MTUS1: variants seen among roughly 807,000 people sequenced by gnomAD.
The protein encoded by MTUS1 is microtubule associated scaffold protein 1, also known as microtubule-associated tumor suppressor 1.
In MTUS1, 109 loss-of-function variants were observed where a neutral mutation model predicts 120.8. That is an observed-to-expected ratio of 0.90 (90% CI 0.77 to 1.06). The LOEUF is 1.06. MTUS1 is among the 50% of genes least tolerant of loss of function. The pLI is 0.00. For synonymous variants in MTUS1, 737 were observed against 550.5 expected (o/e 1.34, Z -4.74); for missense variants, 2,210 against 1,486.3 (o/e 1.49, Z -8.01).
chr8:17,674,502 C>A, intron 8 of MTUS1: 1 of 985,212 alleles, frequency 1.0e-6, no homozygotes, highest in African/African-American at 1.7e-5. Context: ...ACCCTAAGGG[C>A]TTCCAGGAGA....
intron 7 of MTUS1, among the ~76,000 whole-genome samples, chr8:17,677,943 A>T (rs1813459096): frequency 6.6e-6 from 1 of 152,194 alleles, no homozygotes; most frequent in South Asian, 2.1e-4. Context: ...AATTTAAGAC[A>T]TGGTCCCTGC....
chr8:17,721,576 A>G, intron 4 of MTUS1: 1 of 1,095,352 alleles, frequency 9.1e-7, no homozygotes, highest in Non-Finnish European at 1.3e-6. Context: ...AAATATACAT[A>G]CAAAATGCCC....
intron 4 of MTUS1, chr8:17,723,469 A>C: frequency 1.6e-6 from 1 of 634,480 alleles, no homozygotes. Context: ...TTCATGCAAA[A>C]ATATACTTTA....
At chr8:17,742,269 G>GTTTTTGTTTTTTTTTTT (rs1554516813) in intron 3 of MTUS1, among the ~76,000 whole-genome samples, 2 of 94,900 alleles carry the variant, frequency 2.1e-5, no homozygotes, top group Non-Finnish European at 2.1e-5. Flanking sequence ...ATGCCCAGCT[G>GTTTTTGTTTTTTTTTTT]TTTTTTTTTT....
intron 1 of MTUS1, among the ~76,000 whole-genome samples, chr8:17,777,540 C>T (rs1357020845): frequency 6.6e-6 from 1 of 151,988 alleles, no homozygotes; most frequent in Non-Finnish European, 1.5e-5. Flanking sequence ...ACCTTCTCCA[C>T]ACACCCAAAA....
chr8:17,801,104 G>T (rs1490353283), upstream of MTUS1, among the ~76,000 whole-genome samples: 2 of 150,960 alleles, frequency 1.3e-5, no homozygotes, highest in African/African-American at 4.9e-5. Context: ...CGCAGAGGCG[G>T]GGAGGGCTGG....
chr8:17,715,634 A>C, intron 5 of MTUS1, 133 bp downstream of exon 5: 1 of 956,086 alleles, frequency 1.0e-6, no homozygotes, highest in Non-Finnish European at 1.5e-6. Context: ...AAAATGTATT[A>C]TATCTCCTTT....
intron 8 of MTUS1, among the ~76,000 whole-genome samples, chr8:17,673,003 C>T (rs559077543): frequency 5.3e-5 from 8 of 152,308 alleles, no homozygotes; most frequent in South Asian, 2.1e-4. Flanking sequence ...GCCTTGTCTT[C>T]GGAGAGAGGC....
intron 5 of MTUS1, among the ~76,000 whole-genome samples, chr8:17,714,447 T>C (rs1183191791): frequency 6.6e-6 from 1 of 152,168 alleles, no homozygotes; most frequent in African/African-American, 2.4e-5. Flanking sequence ...AATTCCTCCT[T>C]CTGGGATATC....
intron 5 of MTUS1, among the ~76,000 whole-genome samples, chr8:17,713,661 C>G (rs183680719): frequency 6.6e-6 from 1 of 152,242 alleles, no homozygotes; most frequent in East Asian, 1.9e-4. Flanking sequence ...CGAAACTACC[C>G]GTTTCTATTC....
intron 8 of MTUS1, among the ~76,000 whole-genome samples, chr8:17,657,344 G>T (rs1186648635): frequency 6.6e-6 from 1 of 151,484 alleles, no homozygotes; most frequent in African/African-American, 2.4e-5. Context: ...CGAGGCGGGC[G>T]GATCACGAGG....
At chr8:17,680,799 G>A (rs1814294814) in intron 7 of MTUS1, among the ~76,000 whole-genome samples, 1 of 152,120 alleles carries the variant, frequency 6.6e-6, no homozygotes, top group Non-Finnish European at 1.5e-5. Flanking sequence ...GAATGCTCAC[G>A]CCACAAGAGG....
Position 17,755,487 on chromosome 8 carries a change from T to G in MTUS1, c.321A>C (p.Ala107=), listed in dbSNP as rs758653111. The change falls in exon 2 of 15, where the codon GCA becomes GCC. Residue 107 remains alanine (A), a synonymous_variant. Transcript: ENST00000693296. ...MHKDSICQCP[A]LVGTEKPKYL... Reference sequence around the variant, plus strand: ...ATTTGGGCTTCTCAGTACCTACAAGTGCAGGACACTGACAAATAGAATCTT... The same window carrying G: ...ATTTGGGCTTCTCAGTACCTACAAGGGCAGGACACTGACAAATAGAATCTT... The G allele has an allele frequency of 3.2e-5, 52 of 1,614,096 alleles. No individual in the cohort carries two copies. The highest frequency in any genetic ancestry group is 4.4e-5 in the Non-Finnish European group (52 of 1,180,028).
At chr8:17,799,041 T>C (rs1238978793) in intron 1 of MTUS1, among the ~76,000 whole-genome samples, 2 of 151,606 alleles carry the variant, frequency 1.3e-5, no homozygotes, top group African/African-American at 2.4e-5. Flanking sequence ...CCTTTAAGGA[T>C]GATTCTACAT....
At chr8:17,695,009 GTCAACACCA>G (rs1817677277) in intron 6 of MTUS1, among the ~76,000 whole-genome samples, 1 of 152,050 alleles carries the variant, frequency 6.6e-6, no homozygotes. Context: ...TGGGATCCAG[GTCAACACCA>G]CTGCACTGAG....
At chr8:17,678,548 G>T (rs1432034418) in intron 7 of MTUS1, among the ~76,000 whole-genome samples, 2 of 152,134 alleles carry the variant, frequency 1.3e-5, no homozygotes, top group African/African-American at 4.8e-5. Flanking sequence ...CCACTGAGTA[G>T]CATCAACAGC....
chr8:17,736,765 A>C (rs1371355376), intron 3 of MTUS1, among the ~76,000 whole-genome samples: 1 of 151,930 alleles, frequency 6.6e-6, no homozygotes, highest in Non-Finnish European at 1.5e-5. Context: ...TTGTATGTTT[A>C]GTAGAGATGG....
chr8:17,754,481 A>G lies in MTUS1; in HGVS notation c.1327T>C (p.Ser443Pro). The G allele has an allele frequency of 6.2e-7, 1 of 1,614,236 alleles. No homozygotes were observed. The highest frequency in any genetic ancestry group is 8.5e-7 in the Non-Finnish European group (1 of 1,180,048). The change falls in exon 2 of 15, where the codon TCA becomes CCA. Residue 443 changes from serine (S) to proline (P), a missense_variant. Physicochemically the swap from Ser to Pro is moderately conservative, Grantham distance 74. Transcript: ENST00000693296. ...CATTTCTCCGTCGCTTCAATCGGTG[A>G]AACAGAAAAGGTTACTTTTGTGGGT... ...LEPTKVTFSV[S>P]PIEATEKCKK...
intron 6 of MTUS1, among the ~76,000 whole-genome samples, chr8:17,693,493 G>C (rs976763923): frequency 2.6e-5 from 4 of 152,122 alleles, no homozygotes; most frequent in African/African-American, 9.7e-5. Flanking sequence ...ATTCTGGCCG[G>C]ATCTCTACAA....
Sources: allele counts gnomAD v4.1 joint callset (sites outside exome capture counted in the v4.1 genomes callset), GRCh38; gene constraint gnomAD v4.1.1; transcripts MANE v1.5; gene names NCBI Gene and HGNC (gene_info 2026-07-23, HGNC 2026-07-21).